The following FCHSD2 variants were observed in gnomAD, a reference collection of about 807,000 sequenced individuals.
FCHSD2 encodes F-BAR and double SH3 domains protein 2.
In FCHSD2, 38 loss-of-function variants were observed where a neutral mutation model predicts 108.1. That is an observed-to-expected ratio of 0.35 (90% CI 0.27 to 0.46). The LOEUF (loss-of-function observed/expected upper bound fraction) is 0.46, where lower values mean the gene tolerates loss of function less well. Among genes scored for constraint, FCHSD2 ranks in the 20% least tolerant of loss-of-function variants. The probability of loss-of-function intolerance (pLI) is 1.00; values close to 1 mark genes in which losing one functional copy is unlikely to be tolerated. For missense variants in FCHSD2, 751 were observed against 897.8 expected (o/e 0.84, Z 2.09); for synonymous variants, 279 against 314.7 (o/e 0.89, Z 1.20).
intron 8 of FCHSD2, among the ~76,000 whole-genome samples, chr11:72,965,093 A>G (rs1003381443): frequency 1.3e-5 from 2 of 151,896 alleles, no homozygotes; most frequent in Non-Finnish European, 2.9e-5. Context: ...CTGGCCAATC[A>G]TTTTACTTCT....
chr11:72,890,002 C>T, intron 10 of FCHSD2, 57 bp from the exon 11 acceptor site: 1 of 1,080,930 alleles, frequency 9.3e-7, no homozygotes, highest in Non-Finnish European at 1.4e-6. Context: ...GTAACCACTA[C>T]TGCTTTGTAG....
chr11:72,876,640 T>C (rs1455928978), intron 12 of FCHSD2, among the ~76,000 whole-genome samples: 1 of 152,266 alleles, frequency 6.6e-6, no homozygotes, highest in Non-Finnish European at 1.5e-5. Context: ...ACATATATTC[T>C]ACTCATATGC....
intron 3 of FCHSD2, among the ~76,000 whole-genome samples, chr11:73,045,607 T>C (rs1350533508): frequency 1.1e-4 from 17 of 150,756 alleles, no homozygotes; most frequent in Non-Finnish European, 2.1e-4. Flanking sequence ...GATGAGTTCA[T>C]GTCCTTTGTA....
At chr11:72,900,334 C>T in intron 10 of FCHSD2, 1 of 1,547,294 alleles carries the variant, frequency 6.5e-7, no homozygotes, top group Non-Finnish European at 8.7e-7. Context: ...AAACTCTGCC[C>T]AGTAAAGATT....
intron 3 of FCHSD2, among the ~76,000 whole-genome samples, chr11:73,050,440 A>G (rs1386638871): frequency 1.3e-5 from 2 of 152,246 alleles, no homozygotes; most frequent in Non-Finnish European, 2.9e-5. Context: ...AAAGAATATT[A>G]CTATAAACAT....
chr11:73,066,048 A>G (rs1369491988), intron 3 of FCHSD2, among the ~76,000 whole-genome samples: 1 of 152,190 alleles, frequency 6.6e-6, no homozygotes, highest in Non-Finnish European at 1.5e-5. Context: ...CATTGCCAAA[A>G]CAATCCTGGG....
chr11:73,115,311 T>G (rs757252073), intron 2 of FCHSD2, among the ~76,000 whole-genome samples: 5 of 152,126 alleles, frequency 3.3e-5, no homozygotes, highest in Admixed American at 3.3e-4. Flanking sequence ...AGGGGTGGCG[T>G]TGGCAATTCA....
At chr11:72,856,303 G>C (rs1364663268) in intron 13 of FCHSD2, among the ~76,000 whole-genome samples, 1 of 151,994 alleles carries the variant, frequency 6.6e-6, no homozygotes, top group Non-Finnish European at 1.5e-5. Flanking sequence ...AGGATATGAT[G>C]AGTCCAAAAG....
intron 2 of FCHSD2, among the ~76,000 whole-genome samples, chr11:73,122,647 G>T (rs1860761842): frequency 6.6e-6 from 1 of 152,138 alleles, no homozygotes; most frequent in South Asian, 2.1e-4. Flanking sequence ...TTTATTAAGA[G>T]AATTAATACA....
chr11:72,838,018 T>G lies in FCHSD2; in HGVS notation c.*773A>C, dbSNP rs1860787232. ...AAATACAAAAGAACATTATATTGGC[T>G]AATTTCAGATCCGGAAGTTCCATTT... On this transcript the variant is annotated 3_prime_UTR_variant, in exon 20 of 20. Coordinates refer to ENST00000409418, the MANE Select transcript of FCHSD2 (RefSeq NM_014824.3). The G allele has an allele frequency of 6.6e-6, 1 of 152,240 alleles. No homozygotes were observed. The highest frequency in any genetic ancestry group is 1.5e-5 in the Non-Finnish European group (1 of 68,054). The allele number at this position is 152,240 out of a possible 1,614,324, so 9.4% of individuals were successfully genotyped here. A position where few individuals can be genotyped will look rare whatever the true frequency, so the allele number is the denominator to read the frequency against.
chr11:72,844,743 A>C (rs1861072525), intron 14 of FCHSD2, among the ~76,000 whole-genome samples: 1 of 152,208 alleles, frequency 6.6e-6, no homozygotes, highest in South Asian at 2.1e-4. Context: ...AAAATCTCAC[A>C]ATCTCAAAAT....
intron 10 of FCHSD2, among the ~76,000 whole-genome samples, chr11:72,891,130 C>A (rs1855306118): frequency 6.6e-6 from 1 of 151,878 alleles, no homozygotes; most frequent in Admixed American, 6.6e-5. Context: ...GTTGCCCAGG[C>A]AACATAGGAG....
At chr11:72,972,633 G>A (rs1857028622) in intron 8 of FCHSD2, among the ~76,000 whole-genome samples, 1 of 152,212 alleles carries the variant, frequency 6.6e-6, no homozygotes. Context: ...TAGAAGTTTG[G>A]TAAAGACTTA....
At chr11:73,003,872 C>A (rs189898793) in intron 4 of FCHSD2, among the ~76,000 whole-genome samples, 31 of 151,544 alleles carry the variant, frequency 2.0e-4, no homozygotes, top group African/African-American at 6.8e-4. Context: ...TCTGGGAGGC[C>A]AAGGTGGGCA....
intron 10 of FCHSD2, among the ~76,000 whole-genome samples, chr11:72,901,218 C>T (rs865995268): frequency 2.6e-5 from 4 of 151,566 alleles, no homozygotes; most frequent in Non-Finnish European, 2.9e-5. Context: ...ATGGTGAGAC[C>T]CCCCCATCTC....
intron 12 of FCHSD2, among the ~76,000 whole-genome samples, chr11:72,881,581 T>C (rs1855087830): frequency 6.6e-6 from 1 of 152,222 alleles, no homozygotes; most frequent in Non-Finnish European, 1.5e-5. Flanking sequence ...AAGTCATACC[T>C]TCATCCCCTG....
chr11:73,017,575 T>C lies in FCHSD2; in HGVS notation c.166-1690A>G, dbSNP rs147426973. 9.2e-5 allele frequency among the ~76,000 whole-genome samples: 14 copies of C among 152,308 alleles called. No individual in the cohort carries two copies. The East Asian group carries it at 2.7e-3, about 29-fold the overall frequency. On this transcript the variant is annotated intron_variant, in intron 3 of 19. Coordinates refer to ENST00000409418, the MANE Select transcript of FCHSD2 (RefSeq NM_014824.3). ...ACTTGGCAACAATTTGGTTTCACTA[T>C]TTCTAAGTATTGTGTATTCTGAGAA...
chr11:72,986,618 G>A (rs879797021), intron 6 of FCHSD2, among the ~76,000 whole-genome samples: 1 of 152,116 alleles, frequency 6.6e-6, no homozygotes, highest in African/African-American at 2.4e-5. Flanking sequence ...CTGTGTTTGG[G>A]GATATTCCCA....
intron 8 of FCHSD2, among the ~76,000 whole-genome samples, chr11:72,929,747 CAA>C (rs1856151147): frequency 6.6e-6 from 1 of 152,026 alleles, no homozygotes; most frequent in African/African-American, 2.4e-5. Flanking sequence ...AAAATAGAAC[CAA>C]AGAGCTTGAA....
Sources: gnomAD v4.1 joint callset for allele counts (sites outside exome capture counted in the v4.1 genomes callset) on GRCh38, gnomAD v4.1.1 for gene constraint, MANE v1.5 for transcripts, NCBI Gene and HGNC (gene_info 2026-07-23, HGNC 2026-07-21) for gene names.